The following GNB3 variants were observed in gnomAD, a reference collection of about 807,000 sequenced individuals.
GNB3 encodes the protein guanine nucleotide-binding protein G(I)/G(S)/G(T) subunit beta-3.
Under a neutral mutation model 41.2 loss-of-function variants are expected in GNB3, and 33 were observed. The observed-to-expected ratio is 0.80, with a 90% CI of 0.61 to 1.07. The LOEUF is 1.07. Among genes scored for constraint, GNB3 ranks in the 50% least tolerant of loss-of-function variants. The pLI is 0.00. For missense variants in GNB3, 409 were observed against 455.3 expected (o/e 0.90, Z 0.92); for synonymous variants, 172 against 173.4 (o/e 0.99, Z 0.06).
chr12:6,841,165 G>A (rs971110533), intron 1 of GNB3, 93 bp from the exon 2 acceptor site: 121 of 774,046 alleles, frequency 1.6e-4, no homozygotes, highest in Non-Finnish European at 2.2e-4. Flanking sequence ...CCACCCAGTC[G>A]TTTCCCTGTG....
rs201963490 is a variant in GNB3, at chr12:6,843,438, G to T, written c.343G>T (p.Gly115Trp). 6.2e-6 allele frequency: 10 copies of T among 1,613,956 alleles called. No individual in the cohort carries two copies. The highest frequency in any genetic ancestry group is 3.3e-5 in the South Asian group (3 of 91,078). Reference protein sequence around the residue: ...YAPSGNFVACGGLDNMCSIYN... With the variant: ...YAPSGNFVACWGLDNMCSIYN... ...CCCATCAGGGAACTTTGTGGCATGTGGGGGGCTGGACAACATGTGTTCCAT... is the reference window on the plus strand; with the variant it reads ...CCCATCAGGGAACTTTGTGGCATGTTGGGGGCTGGACAACATGTGTTCCAT... The change falls in exon 6 of 10, where the codon GGG (glycine) becomes TGG (tryptophan). Residue 115 changes from glycine to tryptophan, a missense_variant. Coordinates refer to ENST00000229264, the MANE Select transcript of GNB3 (RefSeq NM_002075.4). This position sits in a 1 kb window ranked among gnomAD's most constrained non-coding sequence, Gnocchi z 5.9.
chr12:6,845,488 C>T, intron 8 of GNB3, 98 bp from the exon 9 acceptor site: 1 of 767,552 alleles, frequency 1.3e-6, no homozygotes, highest in Non-Finnish European at 2.2e-6. Flanking sequence ...CTGAGAGCAG[C>T]GGCTTGCCCT....
chr12:6,846,905 TG>T lies in GNB3; in HGVS notation c.*9del. 1 of 1,523,474 alleles carries T rather than the reference TG, an allele frequency of 6.6e-7. No individual in the cohort carries two copies. Among genetic ancestry groups the T allele is most frequent in the Non-Finnish European group, 9.0e-7 (1 of 1,112,714 alleles). 94.4% of individuals were successfully genotyped at this position (1,523,474 alleles called of 1,614,324 possible). On this transcript the variant is annotated 3_prime_UTR_variant, in exon 10 of 10. Coordinates refer to ENST00000229264, the MANE Select transcript of GNB3 (RefSeq NM_002075.4). ...CCTCAAAATCTGGAACTGAGGAGGC[TG>T]GAGAAAGGGAAGTGGAAGGCAGTGA...
intron 8 of GNB3, 166 bp from the exon 9 acceptor site, chr12:6,845,420 G>A (rs1943666905): frequency 1.6e-6 from 1 of 612,066 alleles, no homozygotes; most frequent in South Asian, 1.9e-5. Context: ...ACTGGCACGT[G>A]GTATGTGTTG....
chr12:6,845,265 G>A, intron 8 of GNB3: 1 of 333,112 alleles, frequency 3.0e-6, no homozygotes, highest in Non-Finnish European at 5.7e-6. Flanking sequence ...GCCCACTTGT[G>A]TAGTCTGGGA....
chr12:6,841,169 C>G, intron 1 of GNB3, 89 bp from the exon 2 acceptor site: 190 of 726,114 alleles, frequency 2.6e-4, no homozygotes, highest in East Asian at 8.0e-4. Context: ...CCAGTCGTTT[C>G]CCTGTGTCTT....
Position 6,843,943 on chromosome 12 carries a change from T to G in GNB3, c.664T>G (p.Phe222Val), listed in dbSNP as rs782227813. ...GCGAGAGGGGACCTGCCGTCAGACT[T>G]TCACTGGCCACGAGTCGGACATCAA... is the stretch of plus-strand genomic sequence containing the variant. ...DVREGTCRQTFTGHESDINAI... is the reference protein window; with the variant it reads ...DVREGTCRQTVTGHESDINAI... Residue 222 changes from phenylalanine (F) to valine (V), a missense_variant, in exon 8 of 10, where the codon TTC (phenylalanine) becomes GTC (valine). Coordinates refer to ENST00000229264, the MANE Select transcript of GNB3 (RefSeq NM_002075.4). The surrounding 1 kb of genome is among the most constrained non-coding windows in gnomAD (Gnocchi z 5.9). 1 of 1,613,674 alleles carries G rather than the reference T, an allele frequency of 6.2e-7. No individual in the cohort carries two copies. Among genetic ancestry groups the G allele is most frequent in the South Asian group, 1.1e-5 (1 of 91,068 alleles).
At chr12:6,842,117 G>C (rs868936155) in intron 3 of GNB3, among the ~76,000 whole-genome samples, 165 of 152,160 alleles carry the variant, frequency 1.1e-3, no homozygotes, top group African/African-American at 3.4e-3. Flanking sequence ...CACTTTTTAT[G>C]AGCCAGATAC....
intron 9 of GNB3, 193 bp from the exon 10 acceptor site, chr12:6,846,599 A>T (rs1374763389): frequency 9.9e-6 from 5 of 505,540 alleles, no homozygotes; most frequent in African/African-American, 1.9e-5. Context: ...GGATCCCTGC[A>T]TGCATGTGCT....
intron 8 of GNB3, 88 bp downstream of exon 8, chr12:6,844,066 A>C: frequency 5.7e-6 from 4 of 707,826 alleles, no homozygotes; most frequent in African/African-American, 2.0e-5. Flanking sequence ...TGCCCCTCCC[A>C]TAGCTTCCCT....
At chr12:6,841,709 A>G in intron 3 of GNB3, 85 bp downstream of exon 3, 1 of 952,586 alleles carries the variant, frequency 1.0e-6, no homozygotes, top group Non-Finnish European at 1.7e-6. Context: ...TGCTCCGAGC[A>G]TTAGTACAGC....
intron 3 of GNB3, 97 bp from the exon 4 acceptor site, chr12:6,842,873 C>A: frequency 1.3e-6 from 1 of 765,580 alleles, no homozygotes; most frequent in Non-Finnish European, 2.1e-6. Flanking sequence ...GACCTAGAGC[C>A]TGGCACAGAG....
In GNB3 at chr12:6,841,309, C is replaced by T. The variant is rs782750899; in HGVS notation, c.22C>T (p.Arg8Cys). Residue 8 changes from arginine (R) to cysteine (C), a missense_variant, in exon 2 of 10, where the codon CGT becomes TGT. Transcript: ENST00000229264. MGEMEQL[R>C]QEAEQLKKQI... ...AGCCATGGGGGAGATGGAGCAACTGCGTCAGGAAGCGGAGCAGCTCAAGAA... is the reference window on the plus strand; with the variant it reads ...AGCCATGGGGGAGATGGAGCAACTGTGTCAGGAAGCGGAGCAGCTCAAGAA... 1.1e-5 allele frequency: 18 copies of T among 1,613,362 alleles called. No individual in the cohort carries two copies. The highest frequency in any genetic ancestry group is 4.4e-5 in the South Asian group (4 of 90,900).
intron 3 of GNB3, among the ~76,000 whole-genome samples, chr12:6,842,380 C>T (rs782015766): frequency 6.6e-6 from 1 of 152,204 alleles, no homozygotes; most frequent in South Asian, 2.1e-4. Context: ...GAGATCTCTT[C>T]TTAATATAAA....
chr12:6,845,281 G>T, intron 8 of GNB3: 1 of 362,872 alleles, frequency 2.8e-6, no homozygotes, highest in South Asian at 3.7e-5. Flanking sequence ...TGGGAGTCTG[G>T]GACAACCTCC....
chr12:6,846,512 G>C lies in GNB3; in HGVS notation c.917-280G>C, dbSNP rs1236082959. ...TCCCCCAACCAAAGCTCTTGACAGA[G>C]AACCCCCTGCCCTACAGCTAATCCT... On this transcript the variant is annotated intron_variant, in intron 9 of 9. Transcript: ENST00000229264. The C allele has an allele frequency of 9.3e-6, 3 of 324,272 alleles. No homozygotes were observed. The South Asian group carries it at 2.6e-4, about 28-fold the overall frequency. The allele number at this position is 324,272 out of a possible 1,614,324, so 20.1% of individuals were successfully genotyped here.
rs1432718669 is a variant in GNB3, at chr12:6,844,091, G to GTCTTTTTTTTTTTTTTTTTTTT, written c.699+114_699+115insCTTTTTTTTTTTTTTTTTTTTT. ...ATAGCTTCCCTAGCCCTTTCTTACT[G>GTCTTTTTTTTTTTTTTTTTTTT]TATTTTTTTTTTTTTTTTTTTTTTT... On this transcript the variant is annotated intron_variant, in intron 8 of 9. Transcript: ENST00000229264. The GTCTTTTTTTTTTTTTTTTTTTT allele has an allele frequency of 5.1e-5, 13 of 253,438 alleles. 2 individuals carry two copies. The highest frequency in any genetic ancestry group is 8.6e-5 in the African/African-American group (2 of 23,258). 15.7% of individuals were successfully genotyped at this position (253,438 alleles called of 1,614,324 possible). A position where few individuals can be genotyped will look rare whatever the true frequency, so the allele number is the denominator to read the frequency against.
rs1168215510 is a variant in GNB3, at chr12:6,846,660, T to G, written c.917-132T>G. The G allele has an allele frequency of 4.5e-5, 28 of 626,048 alleles. No homozygotes were observed. The African/African-American group carries it at 5.1e-4, about 11-fold the overall frequency. 38.8% of individuals were successfully genotyped at this position (626,048 alleles called of 1,614,324 possible). A position where few individuals can be genotyped will look rare whatever the true frequency, so the allele number is the denominator to read the frequency against. On this transcript the variant is annotated intron_variant, in intron 9 of 9. Coordinates refer to ENST00000229264, the MANE Select transcript of GNB3 (RefSeq NM_002075.4). ...ACACACACCCACACATGCATACACATGCACACATATCCCCCCACACACCCA... is the reference window on the plus strand; with the variant it reads ...ACACACACCCACACATGCATACACAGGCACACATATCCCCCCACACACCCA...
At position 6,843,318 on chromosome 12, in the gene GNB3, A is replaced by C. The variant is rs1943611718; in HGVS notation, c.268-45A>C. Reference sequence around the variant, plus strand: ...GCCTACCCTCCTGTGCCCAGCTGGGAGCTTGGCTCCGGTCCCATCTCTGCT... The same window carrying C: ...GCCTACCCTCCTGTGCCCAGCTGGGCGCTTGGCTCCGGTCCCATCTCTGCT... On this transcript the variant is annotated intron_variant, in intron 5 of 9. Transcript: ENST00000229264. The surrounding 1 kb of genome is among the most constrained non-coding windows in gnomAD (Gnocchi z 5.9). 1.2e-6 allele frequency: 2 copies of C among 1,611,958 alleles called. No homozygotes were observed. The highest frequency in any genetic ancestry group is 8.5e-7 in the Non-Finnish European group (1 of 1,178,222).
Sources: allele counts gnomAD v4.1 joint callset (sites outside exome capture counted in the v4.1 genomes callset), GRCh38; gene constraint gnomAD v4.1.1; non-coding constraint Gnocchi (gnomAD v3.1); transcripts MANE v1.5; gene names NCBI Gene and HGNC (gene_info 2026-07-23, HGNC 2026-07-21).